The following CPVL variants were observed in gnomAD, a reference collection of about 807,000 sequenced individuals.
CPVL encodes the protein carboxypeptidase vitellogenic like.
CPVL carries 51 observed loss-of-function variants against 63.7 expected under a neutral mutation model. The ratio of observed to expected loss-of-function variants is 0.80; its 90% confidence interval spans 0.64 to 1.01. The LOEUF (loss-of-function observed/expected upper bound fraction) is 1.01, where lower values mean the gene tolerates loss of function less well. Among genes scored for constraint, CPVL ranks in the 50% least tolerant of loss-of-function variants. CPVL has a pLI of 0.00. For missense variants in CPVL, 530 were observed against 573.1 expected (o/e 0.92, Z 0.77); for synonymous variants, 195 against 206.0 (o/e 0.95, Z 0.46).
intron 5 of CPVL, among the ~76,000 whole-genome samples, chr7:29,172,985 G>T (rs1796804297): frequency 6.6e-6 from 1 of 152,134 alleles, no homozygotes; most frequent in South Asian, 2.1e-4. Flanking sequence ...ACAAAAATTA[G>T]CTGGGCATGG....
intron 5 of CPVL, among the ~76,000 whole-genome samples, chr7:29,160,139 C>T (rs1794979073): frequency 6.6e-6 from 1 of 152,082 alleles, no homozygotes; most frequent in African/African-American, 2.4e-5. Flanking sequence ...GTTTCCTGGC[C>T]CTCATAATAT....
Position 29,128,533 on chromosome 7 carries a change from C to T in CPVL, c.-10-7462G>A, listed in dbSNP as rs141541394. Among the ~76,000 whole-genome samples the T allele has an allele frequency of 5.6e-4, 85 of 151,786 alleles. 2 individuals carry two copies. In the East Asian group the frequency reaches 0.016, roughly 29 times the overall value. On this transcript the variant is annotated intron_variant, in intron 1 of 12. Transcript: ENST00000265394. Reference sequence around the variant, plus strand: ...GAGTTTAAGATCAGCCTGGCCAACACGGTGAAACCCTGTCTCTATTAAAAA... The same window carrying T: ...GAGTTTAAGATCAGCCTGGCCAACATGGTGAAACCCTGTCTCTATTAAAAA...
Position 29,064,134 on chromosome 7 carries a change from A to G in CPVL, c.1064T>C (p.Val355Ala). 1.2e-6 allele frequency: 2 copies of G among 1,613,094 alleles called. No individual in the cohort carries two copies. Among genetic ancestry groups the G allele is most frequent in the Non-Finnish European group, 1.7e-6 (2 of 1,179,070 alleles). ...GNQTFNDGTI[V>A]EKYLREDTVQ... ...TGTATCTTCTCGCAAGTACTTTTCA[A>G]CTATAGTTCCATCATTAAAAGTCTG... The change falls in exon 11 of 13, where the codon GTT becomes GCT. Residue 355 changes from valine (V) to alanine (A), a missense_variant. Physicochemically the swap from Val to Ala is moderately conservative, Grantham distance 64. Transcript: ENST00000265394.
chr7:29,174,397 A>G (rs1014502128), intron 5 of CPVL, among the ~76,000 whole-genome samples: 7 of 152,164 alleles, frequency 4.6e-5, no homozygotes, highest in African/African-American at 1.7e-4. Flanking sequence ...CGAGGCCTGG[A>G]GGCTACACCA....
intron 1 of CPVL, among the ~76,000 whole-genome samples, chr7:29,188,604 A>G (rs963107877): frequency 6.6e-5 from 10 of 151,996 alleles, no homozygotes; most frequent in Non-Finnish European, 5.9e-5. Flanking sequence ...AGAAATGAAA[A>G]TATTGATTCA....
At chr7:29,042,360 T>C (rs890776551) in intron 11 of CPVL, among the ~76,000 whole-genome samples, 1 of 152,066 alleles carries the variant, frequency 6.6e-6, no homozygotes, top group African/African-American at 2.4e-5. Context: ...CCTAGCACTG[T>C]GGGAAGCTGA....
chr7:29,001,630 GC>G (rs1260514118), intron 12 of CPVL, among the ~76,000 whole-genome samples: 4 of 152,184 alleles, frequency 2.6e-5, no homozygotes, highest in African/African-American at 9.7e-5. Flanking sequence ...GCTGGGAGTT[GC>G]TTCAACAGCA....
intron 9 of CPVL, among the ~76,000 whole-genome samples, chr7:29,068,571 T>A (rs1164387633): frequency 6.6e-6 from 1 of 152,070 alleles, no homozygotes; most frequent in African/African-American, 2.4e-5. Flanking sequence ...AGAGCCTGGC[T>A]CAGGGCTGCA....
At chr7:29,109,416 C>T (rs1788036110) in intron 3 of CPVL, among the ~76,000 whole-genome samples, 1 of 152,156 alleles carries the variant, frequency 6.6e-6, no homozygotes, top group African/African-American at 2.4e-5. Context: ...GTCATTTCTC[C>T]CCTGGTGACA....
At chr7:29,051,075 A>G (rs1249472022) in intron 11 of CPVL, among the ~76,000 whole-genome samples, 1 of 152,204 alleles carries the variant, frequency 6.6e-6, no homozygotes, top group East Asian at 1.9e-4. Flanking sequence ...CTGGATCCTC[A>G]TCTCTCACCT....
chr7:29,064,690 G>A (rs968931980), intron 10 of CPVL, among the ~76,000 whole-genome samples: 6 of 152,068 alleles, frequency 3.9e-5, no homozygotes, highest in Admixed American at 2.6e-4. Context: ...GTGTTCTGCT[G>A]TTTATTAAAA....
chr7:29,159,473 T>A (rs951819053), intron 5 of CPVL, among the ~76,000 whole-genome samples: 4 of 152,196 alleles, frequency 2.6e-5, no homozygotes, highest in Non-Finnish European at 5.9e-5. Flanking sequence ...GAAAACCTAT[T>A]ATTTTTAAAA....
rs369477733 is a variant in CPVL at position 29,043,994 on chromosome 7, C to CATGATGATG, written c.1138-13244_1138-13236dup. Among the ~76,000 whole-genome samples, 472 of 152,038 alleles carry CATGATGATG rather than the reference C, an allele frequency of 3.1e-3. 3 individuals are homozygous for CATGATGATG. The highest frequency in any genetic ancestry group is 0.011 in the African/African-American group (447 of 41,490). ...GACTGTATGGCAAACAGACTCAAAT[C>CATGATGATG]ATGATGATGATGATGATGATGATGG... On this transcript the variant is annotated intron_variant, in intron 11 of 12. Coordinates refer to ENST00000265394, the MANE Select transcript of CPVL (RefSeq NM_031311.5).
intron 5 of CPVL, among the ~76,000 whole-genome samples, chr7:29,166,670 TCTTATA>T: frequency 6.6e-6 from 1 of 152,294 alleles, no homozygotes; most frequent in Middle Eastern, 3.4e-3. Context: ...TGTAATATTT[TCTTATA>T]CTTTTAGTAT....
At chr7:29,123,047 T>C (rs80330667) in intron 1 of CPVL, among the ~76,000 whole-genome samples, 3,307 of 152,276 alleles carry the variant, frequency 0.022, 133 homozygotes, top group African/African-American at 0.075. Context: ...ACTCCACACA[T>C]TCACATTTCT....
At chr7:28,997,778 C>T (rs1583914924) in intron 12 of CPVL, among the ~76,000 whole-genome samples, 1 of 152,320 alleles carries the variant, frequency 6.6e-6, no homozygotes, top group African/African-American at 2.4e-5. Flanking sequence ...ATTCACCTCT[C>T]AATAGCCCTC....
At chr7:29,123,610 AAAAAAAAAAAAAAAAAAAATATAT>A (rs1459791333) in intron 1 of CPVL, among the ~76,000 whole-genome samples, 5 of 93,044 alleles carry the variant, frequency 5.4e-5, no homozygotes, top group African/African-American at 2.3e-4. Context: ...AAAAAAAAAA[AAAAAAAAAAAAAAAAAAAATATAT>A]ATATATATAT....
chr7:29,072,119 T>C (rs1036066758), intron 8 of CPVL, among the ~76,000 whole-genome samples, 182 bp downstream of exon 8: 2 of 152,128 alleles, frequency 1.3e-5, no homozygotes, highest in Non-Finnish European at 2.9e-5. Flanking sequence ...TGACAGCCAA[T>C]GTAAGCTGAC....
chr7:29,074,226 A>G (rs763404631), intron 7 of CPVL, among the ~76,000 whole-genome samples: 29 of 152,206 alleles, frequency 1.9e-4, no homozygotes, highest in Non-Finnish European at 3.7e-4. Flanking sequence ...CCTCATTGAT[A>G]CAGCTCTCTT....
Sources: allele counts gnomAD v4.1 joint callset (sites outside exome capture counted in the v4.1 genomes callset), GRCh38; gene constraint gnomAD v4.1.1; transcripts MANE v1.5; gene names NCBI Gene and HGNC (gene_info 2026-07-23, HGNC 2026-07-21).